Variants in KLHL29 observed in about 807,000 individuals in gnomAD.
The protein encoded by KLHL29 is kelch-like protein 29.
In KLHL29, 21 loss-of-function variants were observed where a neutral mutation model predicts 80.4. That is an observed-to-expected ratio of 0.26 (90% confidence interval 0.19 to 0.38). The LOEUF (loss-of-function observed/expected upper bound fraction) is 0.38. KLHL29 is among the 10% of genes least tolerant of loss of function. KLHL29 has a pLI of 1.00. For missense variants in KLHL29, 867 were observed against 1,223.9 expected (o/e 0.71, Z 4.35); for synonymous variants, 511 against 526.8 (o/e 0.97, Z 0.41).
intron 2 of KLHL29, among the ~76,000 whole-genome samples, chr2:23,482,795 A>G (rs376249282): frequency 6.6e-6 from 1 of 152,180 alleles, no homozygotes; most frequent in African/African-American, 2.4e-5. Context: ...TACCCAGCAC[A>G]TGGTGAAACA....
chr2:23,678,959 G>T (rs1670998933), intron 5 of KLHL29, among the ~76,000 whole-genome samples: 1 of 151,356 alleles, frequency 6.6e-6, no homozygotes, highest in East Asian at 1.9e-4. Context: ...CGTTTGTGAA[G>T]ATGAAAAGGA....
intron 1 of KLHL29, among the ~76,000 whole-genome samples, chr2:23,418,370 G>C (rs942659558): frequency 2.0e-5 from 3 of 152,110 alleles, no homozygotes; most frequent in African/African-American, 7.2e-5. Flanking sequence ...AGCTGGGTCT[G>C]GGGGCAGATC....
intron 2 of KLHL29, among the ~76,000 whole-genome samples, chr2:23,536,918 A>ACACACACACACACTCTCTCT (rs143009876): frequency 5.0e-5 from 7 of 140,736 alleles, no homozygotes; most frequent in African/African-American, 1.9e-4. Flanking sequence ...ACACACACAC[A>ACACACACACACACTCTCTCT]CTCTCTCTCT....
chr2:23,517,125 G>A (rs1003098110), intron 2 of KLHL29, among the ~76,000 whole-genome samples: 1 of 152,226 alleles, frequency 6.6e-6, no homozygotes, highest in Non-Finnish European at 1.5e-5. Flanking sequence ...TGTGCCCGCT[G>A]TGGACGTGGA....
At chr2:23,443,267 C>T (rs913451455) in intron 1 of KLHL29, among the ~76,000 whole-genome samples, 1 of 152,164 alleles carries the variant, frequency 6.6e-6, no homozygotes, top group African/African-American at 2.4e-5. Flanking sequence ...CCCCTAAGTA[C>T]TTTTTAGCAC....
At chr2:23,515,783 G>A (rs867296314) in intron 2 of KLHL29, among the ~76,000 whole-genome samples, 3 of 152,118 alleles carry the variant, frequency 2.0e-5, no homozygotes, top group African/African-American at 4.8e-5. Flanking sequence ...GTTCATAGGC[G>A]GCTCCCCAAA....
At chr2:23,657,962 G>A (rs998661153) in intron 5 of KLHL29, among the ~76,000 whole-genome samples, 9 of 152,154 alleles carry the variant, frequency 5.9e-5, no homozygotes, top group Non-Finnish European at 7.4e-5. Flanking sequence ...AATGGGCTTT[G>A]CGGAGCCACG....
In KLHL29 at chr2:23,706,496, T is replaced by C; in HGVS notation, c.2460T>C (p.Asp820=). Residue 820 remains aspartate (D), a synonymous_variant, in exon 14 of 14, where the codon GAT becomes GAC. Coordinates refer to ENST00000486442, the MANE Select transcript of KLHL29 (RefSeq NM_052920.2). ...SRQFCSAVVL[D]GKIYATGGIV... Reference sequence around the variant, plus strand: ...CCCCCAACAGTGCTGTGGTGCTTGATGGCAAGATTTATGCAACTGGAGGTA... The same window carrying C: ...CCCCCAACAGTGCTGTGGTGCTTGACGGCAAGATTTATGCAACTGGAGGTA... 6.5e-7 allele frequency: 1 copy of C among 1,530,794 alleles called. No homozygotes were observed. Among genetic ancestry groups the C allele is most frequent in the Non-Finnish European group, 8.7e-7 (1 of 1,143,654 alleles). The allele number at this position is 1,530,794 out of a possible 1,614,324, so 94.8% of individuals were successfully genotyped here.
rs912516247 is a variant in KLHL29, at chr2:23,431,656, G to T, written c.-153-43904G>T. ...GCCTGTAATCCCAGCACTTTGGGAG[G>T]CCTAGGCGGGTGGATCATTGAGGTC... On this transcript the variant is annotated intron_variant, in intron 1 of 13. Coordinates refer to ENST00000486442, the MANE Select transcript of KLHL29 (RefSeq NM_052920.2). Among the ~76,000 whole-genome samples, 5 of 152,150 alleles carry T rather than the reference G, an allele frequency of 3.3e-5. No individual in the cohort carries two copies. The South Asian group carries it at 8.3e-4, about 25-fold the overall frequency.
At chr2:23,410,091 G>C (rs142763621) in intron 1 of KLHL29, among the ~76,000 whole-genome samples, 2,287 of 152,158 alleles carry the variant, frequency 0.015, 14 homozygotes, top group Middle Eastern at 0.034. Context: ...AGGAGGGAGA[G>C]GCCATGCAGG....
chr2:23,674,483 A>C (rs1333594706), intron 5 of KLHL29, among the ~76,000 whole-genome samples: 1 of 152,046 alleles, frequency 6.6e-6, no homozygotes, highest in African/African-American at 2.4e-5. Flanking sequence ...AGAGCTCTCC[A>C]AGGTGCTGAA....
At chr2:23,652,413 C>T (rs1452939834) in intron 5 of KLHL29, among the ~76,000 whole-genome samples, 1 of 152,228 alleles carries the variant, frequency 6.6e-6, no homozygotes, top group Non-Finnish European at 1.5e-5. Flanking sequence ...CATGGCCCTG[C>T]CCTCTGGAGC....
intron 5 of KLHL29, chr2:23,643,530 G>A (rs1669836112): frequency 6.0e-6 from 1 of 167,066 alleles, no homozygotes; most frequent in Non-Finnish European, 1.3e-5. Context: ...AGATCCTTCA[G>A]AACAGAGCCT....
rs936208094 is a variant in KLHL29, at chr2:23,457,796, G to A, written c.-153-17764G>A. Among the ~76,000 whole-genome samples, 16 of 152,086 alleles carry A rather than the reference G, an allele frequency of 1.1e-4. No individual in the cohort carries two copies. Among genetic ancestry groups the A allele is most frequent in the African/African-American group, 3.6e-4 (15 of 41,416 alleles). On this transcript the variant is annotated intron_variant, in intron 1 of 13. Transcript: ENST00000486442. This position sits in a 1 kb window ranked among gnomAD's most constrained non-coding sequence, Gnocchi z 4.3. The stretch of plus-strand genomic sequence containing the variant: ...TGGGAAGCCAAGGCAGGCAGATCAC[G>A]AGGTCAGGAGATCGAGACCATCCTG...
intron 3 of KLHL29, among the ~76,000 whole-genome samples, chr2:23,608,804 C>T (rs978563357): frequency 3.9e-5 from 6 of 152,182 alleles, no homozygotes; most frequent in Admixed American, 3.9e-4. Context: ...TTCTAAATCA[C>T]ACAATTGTTT....
At chr2:23,615,849 G>T (rs569240026) in intron 3 of KLHL29, among the ~76,000 whole-genome samples, 1 of 152,136 alleles carries the variant, frequency 6.6e-6, no homozygotes, top group African/African-American at 2.4e-5. Flanking sequence ...CGTCAGCGTC[G>T]CTGTTCCTTT....
chr2:23,696,276 T>C lies in KLHL29; in HGVS notation c.1925-57T>C, dbSNP rs1187516032. 6.6e-7 allele frequency: 1 copy of C among 1,509,094 alleles called. No individual in the cohort carries two copies. Among genetic ancestry groups the C allele is most frequent in the Non-Finnish European group, 9.0e-7 (1 of 1,111,672 alleles). The allele number at this position is 1,509,094 out of a possible 1,614,324, so 93.5% of individuals were successfully genotyped here. On this transcript the variant is annotated intron_variant, in intron 10 of 13. Transcript: ENST00000486442. This position sits in a 1 kb window ranked among gnomAD's most constrained non-coding sequence, Gnocchi z 5.5. ...CCTCTGCCCCTGGGGCTGGGCCTGC[T>C]GACCCCAGGCCCCTCCTCACCCCGC...
In KLHL29 at chr2:23,690,758, T is replaced by C. The variant is rs546336555; in HGVS notation, c.1080-916T>C. On this transcript the variant is annotated intron_variant, in intron 6 of 13. Transcript: ENST00000486442. ...TCAGTGTCACTCTTGCTTCATCTTATCTGTTTCCTTCCAGGTCCAGCTTTA... is the reference window on the plus strand; with the variant it reads ...TCAGTGTCACTCTTGCTTCATCTTACCTGTTTCCTTCCAGGTCCAGCTTTA... 2.6e-5 allele frequency: 4 copies of C among 152,428 alleles called. No homozygotes were observed. In the South Asian group the frequency reaches 8.3e-4, roughly 32 times the overall value. The allele number at this position is 152,428 out of a possible 1,614,324, so 9.4% of individuals were successfully genotyped here.
intron 1 of KLHL29, among the ~76,000 whole-genome samples, chr2:23,422,285 G>A (rs564678182): frequency 1.5e-4 from 22 of 151,314 alleles, no homozygotes; most frequent in Middle Eastern, 3.4e-3. Context: ...GTATCTGTGT[G>A]TCTCTGTGCA....
Sources: allele counts gnomAD v4.1 joint callset (sites outside exome capture counted in the v4.1 genomes callset), GRCh38; gene constraint gnomAD v4.1.1; non-coding constraint Gnocchi (gnomAD v3.1); transcripts MANE v1.5; gene names NCBI Gene and HGNC (gene_info 2026-07-23, HGNC 2026-07-21).